Variants in DHX36 observed in about 807,000 individuals in gnomAD.
The protein encoded by DHX36 is DEAH-box helicase 36, also known as ATP-dependent DNA/RNA helicase DHX36.
In DHX36, 50 loss-of-function variants were observed where a neutral mutation model predicts 139.0. The observed-to-expected ratio is 0.36, with a 90% CI of 0.29 to 0.46. The LOEUF (loss-of-function observed/expected upper bound fraction) is 0.46, where lower values mean the gene tolerates loss of function less well. Among genes scored for constraint, DHX36 ranks in the 20% least tolerant of loss-of-function variants. The pLI is 1.00. For missense variants in DHX36, 1,024 were observed against 1,211.3 expected, an observed-to-expected ratio of 0.85 and a Z score of 2.29; for synonymous variants, 425 against 401.9, an observed-to-expected ratio of 1.06 and a Z score of -0.69.
intron 3 of DHX36, among the ~76,000 whole-genome samples, chr3:154,312,423 C>T (rs1254803963): frequency 1.3e-5 from 2 of 151,934 alleles, no homozygotes; most frequent in Non-Finnish European, 2.9e-5. Flanking sequence ...AACTCTATAC[C>T]CGTATTACAT....
intron 17 of DHX36, among the ~76,000 whole-genome samples, chr3:154,288,211 T>C (rs9854443): frequency 0.28 from 41,559 of 149,608 alleles, 6,571 homozygotes; most frequent in South Asian, 0.41. Context: ...AACAATACAT[T>C]TGAATCTCAT....
Position 154,295,340 on chromosome 3 carries a change from C to T in DHX36, c.1550-1G>A. The T allele has an allele frequency of 6.7e-7, 1 of 1,484,968 alleles. No homozygotes were observed. The highest frequency in any genetic ancestry group is 9.2e-7 in the Non-Finnish European group (1 of 1,087,842). 92.0% of individuals were successfully genotyped at this position (1,484,968 alleles called of 1,614,324 possible). A position where few individuals can be genotyped will look rare whatever the true frequency, so the allele number is the denominator to read the frequency against. ...TGTAAAGGTATAATTAAAAATTTAT[C>T]TGAAAATTAAAGAGAATTAAATTTT... On this transcript the variant is annotated splice_acceptor_variant, in intron 12 of 24. Coordinates refer to ENST00000496811, the MANE Select transcript of DHX36 (RefSeq NM_020865.3). LOFTEE classifies it high-confidence loss of function.
At chr3:154,303,065 A>T (rs1712362881) in intron 9 of DHX36, among the ~76,000 whole-genome samples, 1 of 152,124 alleles carries the variant, frequency 6.6e-6, no homozygotes, top group Non-Finnish European at 1.5e-5. Context: ...CGACAGAGAG[A>T]GACTCTGTCT....
intron 8 of DHX36, among the ~76,000 whole-genome samples, chr3:154,304,056 G>A (rs1343739744): frequency 6.6e-6 from 1 of 152,124 alleles, no homozygotes; most frequent in Non-Finnish European, 1.5e-5. Context: ...GTTAGTTCTA[G>A]AAGTCTCATT....
chr3:154,312,897 A>ATATG (rs1712827930), intron 3 of DHX36, among the ~76,000 whole-genome samples: 1 of 111,148 alleles, frequency 9.0e-6, no homozygotes, highest in Non-Finnish European at 1.8e-5. Context: ...ATATATATAT[A>ATATG]TATAAAATAA....
chr3:154,288,817 T>TG, intron 17 of DHX36, 49 bp downstream of exon 17: 1 of 1,100,076 alleles, frequency 9.1e-7, no homozygotes, highest in Non-Finnish European at 1.3e-6. Context: ...CTGGTTTACA[T>TG]GCTGTAGTAT....
chr3:154,295,447 G>A (rs1712002940), intron 12 of DHX36, 108 bp from the exon 13 acceptor site: 2 of 493,352 alleles, frequency 4.1e-6, no homozygotes, highest in Admixed American at 8.3e-5. Context: ...TTCTTTTTTT[G>A]ATAAGACATT....
chr3:154,282,218 C>T (rs755349517), intron 20 of DHX36, among the ~76,000 whole-genome samples: 1 of 152,146 alleles, frequency 6.6e-6, no homozygotes, highest in Non-Finnish European at 1.5e-5. Context: ...CTACTGTTCT[C>T]ATAATGGATG....
intron 23 of DHX36, among the ~76,000 whole-genome samples, chr3:154,277,106 GTTTAAACT>G (rs1350493785): frequency 6.6e-6 from 1 of 152,000 alleles, no homozygotes; most frequent in Non-Finnish European, 1.5e-5. Context: ...ATATTTTTTA[GTTTAAACT>G]AAGCACTACT....
rs1712906193 is a variant in DHX36, at chr3:154,314,958, A to G, written c.603+88T>C. 3.5e-6 allele frequency: 3 copies of G among 859,438 alleles called. No homozygotes were observed. The South Asian group carries it at 5.4e-5, about 15-fold the overall frequency. 53.2% of individuals were successfully genotyped at this position (859,438 alleles called of 1,614,324 possible). On this transcript the variant is annotated intron_variant, in intron 3 of 24. Coordinates refer to ENST00000496811, the MANE Select transcript of DHX36 (RefSeq NM_020865.3). ...GTCTTGTTGAGGATCTCACTGATCT[A>G]TGCCATGCAGCTACCTCTAACCATA... is the stretch of plus-strand genomic sequence containing the variant.
At chr3:154,297,275 A>G (rs1712081645) in intron 12 of DHX36, among the ~76,000 whole-genome samples, 2 of 152,244 alleles carry the variant, frequency 1.3e-5, no homozygotes, top group Middle Eastern at 3.2e-3. Context: ...GGTATGATAA[A>G]GACATGATGG....
Position 154,309,932 on chromosome 3 carries a change from A to G in DHX36, c.643-109T>C, listed in dbSNP as rs1042063470. 4.5e-6 allele frequency: 4 copies of G among 885,374 alleles called. No homozygotes were observed. In the African/African-American group the frequency reaches 7.0e-5, roughly 15 times the overall value. The allele number at this position is 885,374 out of a possible 1,614,324, so 54.8% of individuals were successfully genotyped here. The stretch of plus-strand genomic sequence containing the variant: ...ATAGCTATTTTTAACAAACATATTA[A>G]TGCTTTCTAAATTTTGCCATATCCA... On this transcript the variant is annotated intron_variant, in intron 4 of 24. Coordinates refer to ENST00000496811, the MANE Select transcript of DHX36 (RefSeq NM_020865.3).
chr3:154,287,538 CCAG>C (rs1207665025), intron 17 of DHX36, among the ~76,000 whole-genome samples: 1 of 151,806 alleles, frequency 6.6e-6, no homozygotes, highest in Admixed American at 6.6e-5. Flanking sequence ...GCCTGTAATC[CCAG>C]CAGGAGGCTG....
At position 154,274,742 on chromosome 3, in the gene DHX36, T is replaced by C. The variant is rs1719097359; in HGVS notation, c.*1429A>G. 6.6e-6 allele frequency: 1 copy of C among 152,208 alleles called. No individual in the cohort carries two copies. Among genetic ancestry groups the C allele is most frequent in the African/African-American group, 2.4e-5 (1 of 41,434 alleles). The allele number at this position is 152,208 out of a possible 1,614,324, so 9.4% of individuals were successfully genotyped here. A position where few individuals can be genotyped will look rare whatever the true frequency, so the allele number is the denominator to read the frequency against. On this transcript the variant is annotated 3_prime_UTR_variant, in exon 25 of 25. Transcript: ENST00000496811. ...CTTATAAGGGGGATAAGACCACATG[T>C]GATTCATTTAGAACAGCAGGATTCA...
In DHX36 at chr3:154,307,797, C is replaced by CAA. The variant is rs34088732; in HGVS notation, c.814-1504_814-1503dup. 5.1e-3 allele frequency among the ~76,000 whole-genome samples: 718 copies of CAA among 140,298 alleles called. 4 individuals are homozygous for CAA. Among genetic ancestry groups the CAA allele is most frequent in the African/African-American group, 0.017 (655 of 38,878 alleles). The allele number at this position is 140,298 out of a possible 152,430, so 92.0% of individuals were successfully genotyped here. On this transcript the variant is annotated intron_variant, in intron 5 of 24. Coordinates refer to ENST00000496811, the MANE Select transcript of DHX36 (RefSeq NM_020865.3). Reference sequence around the variant, plus strand: ...CCCAAAGGAAAAGAAATCAATGTGTCAAAAAAAAAAAAATACTTGTCTTGC... The same window carrying CAA: ...CCCAAAGGAAAAGAAATCAATGTGTCAAAAAAAAAAAAAAATACTTGTCTTGC...
In DHX36 at chr3:154,288,948, C is replaced by A; in HGVS notation, c.1949G>T (p.Gly650Val). The change falls in exon 17 of 25, where the codon GGA becomes GTA. Residue 650 changes from glycine (G) to valine (V), a missense_variant. By Grantham distance (109) the Gly-to-Val change is moderately radical. Coordinates refer to ENST00000496811, the MANE Select transcript of DHX36 (RefSeq NM_020865.3). The stretch of plus-strand genomic sequence containing the variant: ...TAATCTACTCAGAAAATAAGCAATT[C>A]CACCTAGCCTTAAAATCTAAGTGGG... ...CLQIKILRLG[G>V]IAYFLSRLMD... 6.4e-7 allele frequency: 1 copy of A among 1,566,570 alleles called. No homozygotes were observed. Among genetic ancestry groups the A allele is most frequent in the Non-Finnish European group, 8.7e-7 (1 of 1,153,386 alleles).
Position 154,283,293 on chromosome 3 carries a change from A to C in DHX36, c.2293-22T>G, listed in dbSNP as rs777059284. ...AGCCCTATGGGGCAAAGAAATGAAG[A>C]AATCTATATTTCTCCCGCAAACAAA... On this transcript the variant is annotated intron_variant, in intron 19 of 24. Coordinates refer to ENST00000496811, the MANE Select transcript of DHX36 (RefSeq NM_020865.3). The C allele has an allele frequency of 5.9e-5, 92 of 1,547,686 alleles. No homozygotes were observed. The Admixed American group carries it at 1.5e-3, about 26-fold the overall frequency.
In DHX36 at chr3:154,299,841, A is replaced by T; in HGVS notation, c.1546T>A (p.Ser516Thr). ...GTAAAATACATTTACATAGTACCTGATTTAAACATTACTTGTGACATCAAG... is the reference window on the plus strand; with the variant it reads ...GTAAAATACATTTACATAGTACCTGTTTTAAACATTACTTGTGACATCAAG... Reference protein sequence around the residue: ...DLLMSQVMFKSDKFLIIPLHS... With the variant: ...DLLMSQVMFKTDKFLIIPLHS... Residue 516 changes from serine to threonine, a missense_variant, in exon 12 of 25, where the codon TCA becomes ACA. By Grantham distance (58) the Ser-to-Thr change is moderately conservative. Coordinates refer to ENST00000496811, the MANE Select transcript of DHX36 (RefSeq NM_020865.3). 3 of 1,602,806 alleles carry T rather than the reference A, an allele frequency of 1.9e-6. No homozygotes were observed. The highest frequency in any genetic ancestry group is 2.6e-6 in the Non-Finnish European group (3 of 1,169,806).
chr3:154,293,698 G>A lies in DHX36; in HGVS notation c.1670+50C>T, dbSNP rs767348075. Reference sequence around the variant, plus strand: ...TTAAGGTATATAAACACGTTATGGTGTTTAAAACTTATGTAATCATCAGTA... The same window carrying A: ...TTAAGGTATATAAACACGTTATGGTATTTAAAACTTATGTAATCATCAGTA... On this transcript the variant is annotated intron_variant, in intron 14 of 24. Transcript: ENST00000496811. 3 of 1,367,440 alleles carry A rather than the reference G, an allele frequency of 2.2e-6. No individual in the cohort carries two copies. The East Asian group carries it at 6.9e-5, about 31-fold the overall frequency. The allele number at this position is 1,367,440 out of a possible 1,614,324, so 84.7% of individuals were successfully genotyped here.
Sources: allele counts gnomAD v4.1 joint callset (sites outside exome capture counted in the v4.1 genomes callset), GRCh38; gene constraint gnomAD v4.1.1; transcripts MANE v1.5; gene names NCBI Gene and HGNC (gene_info 2026-07-23, HGNC 2026-07-21).